CSMD1: variants seen among roughly 807,000 people sequenced by gnomAD.
CSMD1 encodes the protein CUB and sushi domain-containing protein 1.
Under a neutral mutation model 417.5 loss-of-function variants are expected in CSMD1, and 213 were observed. The observed-to-expected ratio is 0.51, with a 90% CI of 0.46 to 0.57. The LOEUF (loss-of-function observed/expected upper bound fraction) is 0.57, where lower values mean the gene tolerates loss of function less well. Ranked by LOEUF, CSMD1 falls within the 20% of genes least tolerant of loss-of-function variation. The pLI is 0.00. For synonymous variants in CSMD1, 2,862 were observed against 1,736.8 expected (o/e 1.65, Z -16.11); for missense variants, 6,923 against 4,529.7 (o/e 1.53, Z -15.17).
chr8:3,054,127 G>C (rs1354879703), intron 49 of CSMD1, among the ~76,000 whole-genome samples: 1 of 152,158 alleles, frequency 6.6e-6, no homozygotes, highest in Non-Finnish European at 1.5e-5. Context: ...AAAAGCACAG[G>C]TTATCTCCGG....
At chr8:3,788,033 C>T (rs999288737) in intron 5 of CSMD1, among the ~76,000 whole-genome samples, 6 of 152,136 alleles carry the variant, frequency 3.9e-5, no homozygotes, top group Non-Finnish European at 8.8e-5. Flanking sequence ...TGGCTAGAGT[C>T]TTAACCTCAC....
intron 1 of CSMD1, among the ~76,000 whole-genome samples, chr8:4,883,981 C>A (rs936581431): frequency 2.0e-5 from 3 of 152,018 alleles, no homozygotes; most frequent in Non-Finnish European, 2.9e-5. Flanking sequence ...TTCTTCCAAT[C>A]CTCTACAATA....
chr8:3,232,525 A>T (rs2116919964), intron 26 of CSMD1, among the ~76,000 whole-genome samples: 1 of 152,248 alleles, frequency 6.6e-6, no homozygotes, highest in South Asian at 2.1e-4. Context: ...TTTTACCCTT[A>T]TATAAAATGC....
chr8:4,766,927 A>C (rs182576650), intron 1 of CSMD1, among the ~76,000 whole-genome samples: 1 of 152,232 alleles, frequency 6.6e-6, no homozygotes, highest in African/African-American at 2.4e-5. Context: ...CCTATTAAAA[A>C]TATGTACAGA....
intron 26 of CSMD1, among the ~76,000 whole-genome samples, chr8:3,261,611 G>T (rs192130902): frequency 1.3e-5 from 2 of 152,088 alleles, no homozygotes; most frequent in African/African-American, 4.8e-5. Flanking sequence ...GTCCTTCGGC[G>T]GTGAGTGATT....
At chr8:3,279,111 A>G (rs955565738) in intron 26 of CSMD1, 1 of 152,176 alleles carries the variant, frequency 6.6e-6, no homozygotes. Flanking sequence ...GAGTAGCTGA[A>G]TGACTGGCTT....
intron 5 of CSMD1, among the ~76,000 whole-genome samples, chr8:3,883,474 G>T (rs116873884): frequency 0.015 from 2,294 of 152,136 alleles, 28 homozygotes; most frequent in Middle Eastern, 0.024. Flanking sequence ...GTGTATATAT[G>T]TATATGCACA....
chr8:3,801,098 A>G (rs916279981), intron 5 of CSMD1, among the ~76,000 whole-genome samples: 3 of 152,200 alleles, frequency 2.0e-5, no homozygotes, highest in African/African-American at 7.2e-5. Flanking sequence ...ACAAGGAATT[A>G]AAGAAGACGG....
chr8:3,395,138 A>C (rs1263255402), intron 17 of CSMD1, among the ~76,000 whole-genome samples: 1 of 152,168 alleles, frequency 6.6e-6, no homozygotes, highest in Non-Finnish European at 1.5e-5. Context: ...GAAACCCATC[A>C]TAGTAGACAT....
At chr8:3,143,162 T>C (rs1031339306) in intron 40 of CSMD1, among the ~76,000 whole-genome samples, 16 of 152,232 alleles carry the variant, frequency 1.1e-4, no homozygotes, top group African/African-American at 3.4e-4. Context: ...TTTTTGTTTT[T>C]ATTTTGTGTT....
At chr8:4,930,815 T>C (rs1422916434) in intron 1 of CSMD1, among the ~76,000 whole-genome samples, 2 of 152,232 alleles carry the variant, frequency 1.3e-5, no homozygotes, top group Non-Finnish European at 2.9e-5. Context: ...TTACATTTAT[T>C]TGATGTGTGA....
At chr8:4,805,460 G>C (rs1420566195) in intron 1 of CSMD1, among the ~76,000 whole-genome samples, 2 of 152,094 alleles carry the variant, frequency 1.3e-5, no homozygotes, top group East Asian at 3.9e-4. Context: ...AGTGGGTTGA[G>C]AAGCCTGCGT....
At chr8:4,686,585 C>T (rs899145546) in intron 1 of CSMD1, among the ~76,000 whole-genome samples, 1 of 152,240 alleles carries the variant, frequency 6.6e-6, no homozygotes, top group Non-Finnish European at 1.5e-5. Flanking sequence ...ATCACAAGTC[C>T]TTCGTCCAGT....
At chr8:3,027,666 G>A (rs190562893) in intron 51 of CSMD1, among the ~76,000 whole-genome samples, 1 of 152,152 alleles carries the variant, frequency 6.6e-6, no homozygotes, top group Non-Finnish European at 1.5e-5. Context: ...ACAAATTTGT[G>A]GCCCGAGACA....
At chr8:4,288,315 C>G (rs1388825990) in intron 3 of CSMD1, among the ~76,000 whole-genome samples, 2 of 152,058 alleles carry the variant, frequency 1.3e-5, no homozygotes, top group Admixed American at 6.5e-5. Flanking sequence ...TTGGGGCCAC[C>G]CTGAAGGGCT....
rs531797935 is a variant in CSMD1 at position 3,798,015 on chromosome 8, T to C, written c.819-43973A>G. On this transcript the variant is annotated intron_variant, in intron 5 of 69. Coordinates refer to ENST00000635120, the MANE Select transcript of CSMD1 (RefSeq NM_033225.6). ...TTTCCTTGAAGATTATTGATGTTGATAAACTTTTCAGGTGCTTTTTTGACC... is the reference window on the plus strand; with the variant it reads ...TTTCCTTGAAGATTATTGATGTTGACAAACTTTTCAGGTGCTTTTTTGACC... Among the ~76,000 whole-genome samples, 95 of 152,152 alleles carry C rather than the reference T, an allele frequency of 6.2e-4. 1 individual carries two copies. The highest frequency in any genetic ancestry group is 7.2e-4 in the Non-Finnish European group (49 of 67,922).
At chr8:4,172,178 T>A (rs13270771) in intron 3 of CSMD1, among the ~76,000 whole-genome samples, 1 of 151,934 alleles carries the variant, frequency 6.6e-6, no homozygotes, top group South Asian at 2.1e-4. Context: ...TTGTGCCTTT[T>A]AATGAGAAAA....
At chr8:4,343,619 G>C (rs1161086834) in intron 3 of CSMD1, among the ~76,000 whole-genome samples, 1 of 152,070 alleles carries the variant, frequency 6.6e-6, no homozygotes, top group Non-Finnish European at 1.5e-5. Flanking sequence ...CCAAAAAGCA[G>C]ACTATGTGCA....
intron 26 of CSMD1, among the ~76,000 whole-genome samples, chr8:3,246,113 C>A (rs970785023): frequency 1.3e-5 from 2 of 152,094 alleles, no homozygotes; most frequent in Non-Finnish European, 1.5e-5. Context: ...TAAGAAGGCA[C>A]ATCGGTTCAT....
Sources: gnomAD v4.1 joint callset for allele counts (sites outside exome capture counted in the v4.1 genomes callset) on GRCh38, gnomAD v4.1.1 for gene constraint, MANE v1.5 for transcripts, NCBI Gene and HGNC (gene_info 2026-07-23, HGNC 2026-07-21) for gene names.